PIK3C2A: variants seen among roughly 807,000 people sequenced by gnomAD.
PIK3C2A encodes phosphatidylinositol-4-phosphate 3-kinase catalytic subunit type 2 alpha.
A neutral mutation model predicts 204.5 loss-of-function variants in PIK3C2A; 97 were observed. The ratio of observed to expected loss-of-function variants is 0.47; its 90% CI spans 0.40 to 0.56. The LOEUF (loss-of-function observed/expected upper bound fraction) is 0.56, where lower values mean the gene tolerates loss of function less well. Among genes scored for constraint, PIK3C2A ranks in the 20% least tolerant of loss-of-function variants. The probability of loss-of-function intolerance (pLI) is 0.00; values close to 1 mark genes in which losing one functional copy is unlikely to be tolerated. For missense variants in PIK3C2A, 1,735 were observed against 1,969.2 expected, an observed-to-expected ratio of 0.88 and a Z score of 2.25; for synonymous variants, 653 against 664.4, an observed-to-expected ratio of 0.98 and a Z score of 0.26.
chr11:17,184,222 T>TAA (rs5789975), intron 1 of PIK3C2A, among the ~76,000 whole-genome samples: 197 of 146,686 alleles, frequency 1.3e-3, no homozygotes, highest in Admixed American at 3.7e-3. Flanking sequence ...CCTTCTACTT[T>TAA]AAAAAAAAAA....
Position 17,145,748 on chromosome 11 carries a change from T to C in PIK3C2A, c.1641-17A>G. The C allele has an allele frequency of 6.3e-7, 1 of 1,590,342 alleles. No homozygotes were observed. Among genetic ancestry groups the C allele is most frequent in the South Asian group, 1.1e-5 (1 of 90,468 alleles). On this transcript the variant is annotated splice_polypyrimidine_tract_variant and intron_variant, in intron 7 of 32. Coordinates refer to ENST00000691414, the MANE Select transcript of PIK3C2A (RefSeq NM_002645.4). Reference sequence around the variant, plus strand: ...ACAGGGTGTCTGAAAGAAACAACAGTTATTGTGGCTGAAGGATGCTACACA... The same window carrying C: ...ACAGGGTGTCTGAAAGAAACAACAGCTATTGTGGCTGAAGGATGCTACACA...
chr11:17,161,710 A>G (rs1341345303), intron 2 of PIK3C2A, among the ~76,000 whole-genome samples: 1 of 152,332 alleles, frequency 6.6e-6, no homozygotes, highest in East Asian at 1.9e-4. Context: ...GAGAAGAAAA[A>G]TACCCTCTGT....
At chr11:17,132,093 T>A in intron 11 of PIK3C2A, 55 bp from the exon 12 acceptor site, 1 of 1,029,940 alleles carries the variant, frequency 9.7e-7, no homozygotes, top group Non-Finnish European at 1.4e-6. Flanking sequence ...ATTAGTTAAC[T>A]AATACAAATA....
At chr11:17,143,259 A>G (rs1850123747) in intron 8 of PIK3C2A, among the ~76,000 whole-genome samples, 1 of 152,128 alleles carries the variant, frequency 6.6e-6, no homozygotes. Context: ...ATCACCTATT[A>G]AAATCTTTTC....
chr11:17,179,145 G>T (rs1243077061), intron 1 of PIK3C2A, among the ~76,000 whole-genome samples: 1 of 151,864 alleles, frequency 6.6e-6, no homozygotes, highest in Non-Finnish European at 1.5e-5. Context: ...GATTACAGGT[G>T]TGAGCCACCG....
At chr11:17,196,105 GAAAC>G (rs1355843229) in intron 1 of PIK3C2A, among the ~76,000 whole-genome samples, 1 of 151,408 alleles carries the variant, frequency 6.6e-6, no homozygotes, top group Non-Finnish European at 1.5e-5. Context: ...ATTAAGAAAA[GAAAC>G]AAAAAAAAAT....
Position 17,123,421 on chromosome 11 carries a change from G to GTT in PIK3C2A, c.2400-610_2400-609dup, listed in dbSNP as rs555389887. 1.2e-3 allele frequency among the ~76,000 whole-genome samples: 142 copies of GTT among 121,168 alleles called. 2 individuals carry two copies. In the South Asian group the frequency reaches 0.013, roughly 11 times the overall value. 79.5% of individuals were successfully genotyped at this position (121,168 alleles called of 152,430 possible). On this transcript the variant is annotated intron_variant, in intron 13 of 32. Coordinates refer to ENST00000691414, the MANE Select transcript of PIK3C2A (RefSeq NM_002645.4). Reference sequence around the variant, plus strand: ...GTGGCACCATGCTCAGCTAATTCTTGTTTTTTTTTTTTTTTTTTGTAGAGA... The same window carrying GTT: ...GTGGCACCATGCTCAGCTAATTCTTGTTTTTTTTTTTTTTTTTTTTGTAGAGA...
rs368779768 is a variant in PIK3C2A, at chr11:17,118,788, T to C, written c.2941-49A>G. On this transcript the variant is annotated intron_variant, in intron 17 of 32. Transcript: ENST00000691414. ...TATTAGTGGTCTAACCCATACTAAA[T>C]TGTTCCAATAAAACTATCAAAAGAG... The C allele has an allele frequency of 1.3e-4, 115 of 857,600 alleles. 1 individual carries two copies. The Middle Eastern group carries it at 1.6e-3, about 12-fold the overall frequency. The allele number at this position is 857,600 out of a possible 1,614,324, so 53.1% of individuals were successfully genotyped here. A position where few individuals can be genotyped will look rare whatever the true frequency, so the allele number is the denominator to read the frequency against.
At chr11:17,205,240 G>A (rs1406852302) in intron 1 of PIK3C2A, among the ~76,000 whole-genome samples, 1 of 151,600 alleles carries the variant, frequency 6.6e-6, no homozygotes, top group Non-Finnish European at 1.5e-5. Flanking sequence ...GGGAGGCCGA[G>A]GTGGGCAGAT....
intron 8 of PIK3C2A, among the ~76,000 whole-genome samples, chr11:17,139,516 G>T (rs1849986438): frequency 6.6e-6 from 1 of 152,154 alleles, no homozygotes; most frequent in South Asian, 2.1e-4. Flanking sequence ...GAGCCACCAT[G>T]CCCTGTCTAA....
At chr11:17,145,526 A>T in intron 8 of PIK3C2A, 142 bp downstream of exon 8, 1 of 583,542 alleles carries the variant, frequency 1.7e-6, no homozygotes, top group Non-Finnish European at 3.0e-6. Context: ...AGTCAATTAA[A>T]CCTATTTTCT....
intron 2 of PIK3C2A, among the ~76,000 whole-genome samples, chr11:17,158,505 C>T (rs980677680): frequency 1.3e-5 from 2 of 151,824 alleles, no homozygotes; most frequent in African/African-American, 2.4e-5. Flanking sequence ...TTAATTAACT[C>T]ACAAGGTCAT....
chr11:17,114,966 T>G (rs1377389536), intron 19 of PIK3C2A, among the ~76,000 whole-genome samples: 1 of 152,224 alleles, frequency 6.6e-6, no homozygotes. Flanking sequence ...CCAACCAAAG[T>G]TCATTGCAGT....
intron 1 of PIK3C2A, among the ~76,000 whole-genome samples, chr11:17,207,637 G>A (rs1182150096): frequency 6.6e-6 from 1 of 152,042 alleles, no homozygotes; most frequent in African/African-American, 2.4e-5. Context: ...CGCAGCACTT[G>A]CTCACGGCCT....
At position 17,195,599 on chromosome 11, in the gene PIK3C2A, A is replaced by G. The variant is rs138619874; in HGVS notation, c.-66+12249T>C. The stretch of plus-strand genomic sequence containing the variant: ...GACCAGGCATGGTGGAGTGCACCAC[A>G]TAGCAGTCGTTGTTGCTGTCGTCGT... On this transcript the variant is annotated intron_variant, in intron 1 of 32. Transcript: ENST00000691414. Among the ~76,000 whole-genome samples, 1,089 of 151,678 alleles carry G rather than the reference A, an allele frequency of 7.2e-3. 23 individuals carry two copies. Among genetic ancestry groups the G allele is most frequent in the African/African-American group, 0.025 (1,036 of 41,322 alleles).
rs1182478714 is a variant in PIK3C2A at position 17,131,986 on chromosome 11, A to G, written c.2161T>C (p.Phe721Leu). ...CSLSHNGKDL[F>L]KPIQSKKVGT... ...ACCTTCTTTGATTGAATAGGTTTAAAAAGATCCTTTCCATTGTGAGACAGT... is the reference window on the plus strand; with the variant it reads ...ACCTTCTTTGATTGAATAGGTTTAAGAAGATCCTTTCCATTGTGAGACAGT... Residue 721 changes from phenylalanine (F) to leucine (L), a missense_variant, in exon 12 of 33, where the codon TTT becomes CTT. Physicochemically the swap from Phe to Leu is conservative, Grantham distance 22 (BLOSUM62 0). This residue lies in a region of PIK3C2A where 567 missense variants were observed against 576.0 expected (regional missense o/e 0.98). Coordinates refer to ENST00000691414, the MANE Select transcript of PIK3C2A (RefSeq NM_002645.4). The G allele has an allele frequency of 1.3e-6, 2 of 1,575,664 alleles. No individual in the cohort carries two copies. The highest frequency in any genetic ancestry group is 1.7e-6 in the Non-Finnish European group (2 of 1,150,016).
In PIK3C2A at chr11:17,099,973, T is replaced by C. The variant is rs1299095406; in HGVS notation, c.4009-4A>G. 2.3e-5 allele frequency: 32 copies of C among 1,414,992 alleles called. No individual in the cohort carries two copies. Among genetic ancestry groups the C allele is most frequent in the Non-Finnish European group, 2.8e-5 (28 of 1,009,510 alleles). 87.7% of individuals were successfully genotyped at this position (1,414,992 alleles called of 1,614,324 possible). On this transcript the variant is annotated splice_polypyrimidine_tract_variant and splice_region_variant and intron_variant, in intron 25 of 32. Coordinates refer to ENST00000691414, the MANE Select transcript of PIK3C2A (RefSeq NM_002645.4). The stretch of plus-strand genomic sequence containing the variant: ...CTGGTAACCCTGAAGGAATCATCTG[T>C]AGAAGAAAACAAAAAGTTCTGTGAG...
At chr11:17,144,623 G>A (rs1157015587) in intron 8 of PIK3C2A, among the ~76,000 whole-genome samples, 2 of 151,986 alleles carry the variant, frequency 1.3e-5, no homozygotes, top group African/African-American at 2.4e-5. Context: ...GGCTGGGCAC[G>A]GTGTCTCATG....
intron 26 of PIK3C2A, among the ~76,000 whole-genome samples, chr11:17,097,888 C>T (rs1258421733): frequency 6.6e-6 from 1 of 152,184 alleles, no homozygotes; most frequent in Non-Finnish European, 1.5e-5. Flanking sequence ...GCACTCCACA[C>T]TGGGTGCTGG....
Sources: allele counts gnomAD v4.1 joint callset (sites outside exome capture counted in the v4.1 genomes callset), GRCh38; gene constraint gnomAD v4.1.1; regional missense constraint gnomAD v4.1.1; transcripts MANE v1.5; gene names NCBI Gene and HGNC (gene_info 2026-07-23, HGNC 2026-07-21).